TRIM24: variants seen among roughly 807,000 people sequenced by gnomAD.
The protein encoded by TRIM24 is tripartite motif containing 24.
Under a neutral mutation model 123.9 loss-of-function variants are expected in TRIM24, and 29 were observed. That is an observed-to-expected ratio of 0.23 (90% confidence interval 0.17 to 0.32). TRIM24 has a LOEUF of 0.32. Ranked by LOEUF, TRIM24 falls within the 10% of genes least tolerant of loss-of-function variation. The pLI is 1.00. For missense variants in TRIM24, 932 were observed against 1,295.3 expected (o/e 0.72, Z 4.31); for synonymous variants, 456 against 461.1 (o/e 0.99, Z 0.14).
rs965647920 is a variant in TRIM24 at position 138,533,675 on chromosome 7, T to C, written c.996+4445T>C. 3.3e-5 allele frequency among the ~76,000 whole-genome samples: 5 copies of C among 152,232 alleles called. No individual in the cohort carries two copies. The South Asian group carries it at 8.3e-4, about 25-fold the overall frequency. The stretch of plus-strand genomic sequence containing the variant: ...CATCAGGGATATTGGTCTAAAATTC[T>C]CTTTTTTTGTTGTGTCTCTGCCAGG... On this transcript the variant is annotated intron_variant, in intron 6 of 18. Coordinates refer to ENST00000343526, the MANE Select transcript of TRIM24 (RefSeq NM_015905.3).
chr7:138,530,707 G>A (rs981154530), intron 6 of TRIM24, among the ~76,000 whole-genome samples: 1 of 151,790 alleles, frequency 6.6e-6, no homozygotes, highest in African/African-American at 2.4e-5. Flanking sequence ...GGCTCAGGCA[G>A]TCTGTCTGCC....
At chr7:138,469,754 C>G (rs908691370) in intron 1 of TRIM24, among the ~76,000 whole-genome samples, 4 of 152,202 alleles carry the variant, frequency 2.6e-5, no homozygotes, top group Admixed American at 1.3e-4. Flanking sequence ...ATTAGAACTT[C>G]TTTTCAGAAA....
At chr7:138,471,532 T>A (rs968160454) in intron 1 of TRIM24, among the ~76,000 whole-genome samples, 2 of 151,614 alleles carry the variant, frequency 1.3e-5, no homozygotes, top group Non-Finnish European at 2.9e-5. Flanking sequence ...AATTTATTTT[T>A]ATTTTATTTA....
chr7:138,550,069 T>A (rs1231665534), intron 7 of TRIM24, among the ~76,000 whole-genome samples: 1 of 152,088 alleles, frequency 6.6e-6, no homozygotes, highest in African/African-American at 2.4e-5. Context: ...TAGGAAATAG[T>A]TATTTAAGAA....
intron 13 of TRIM24, 67 bp downstream of exon 13, chr7:138,576,512 C>A: frequency 7.0e-7 from 1 of 1,429,864 alleles, no homozygotes; most frequent in Non-Finnish European, 9.8e-7. Context: ...TGCCAGTGTT[C>A]AACATGTTTT....
At chr7:138,511,230 C>T (rs1473259998) in intron 2 of TRIM24, among the ~76,000 whole-genome samples, 3 of 152,052 alleles carry the variant, frequency 2.0e-5, no homozygotes, top group South Asian at 4.2e-4. Flanking sequence ...GAAGGGGCAG[C>T]AGGCTTGTCT....
intron 9 of TRIM24, among the ~76,000 whole-genome samples, chr7:138,557,199 AGGCTTTGTCAG>A (rs1159673908): frequency 6.6e-6 from 1 of 152,142 alleles, no homozygotes; most frequent in African/African-American, 2.4e-5. Context: ...AGTGTTTTCA[AGGCTTTGTCAG>A]GGCCCTGCCT....
At chr7:138,522,650 A>C (rs1273663099) in intron 4 of TRIM24, among the ~76,000 whole-genome samples, 1 of 149,534 alleles carries the variant, frequency 6.7e-6, no homozygotes. Flanking sequence ...AAACAAAGTC[A>C]TTTTTTTTTT....
intron 1 of TRIM24, among the ~76,000 whole-genome samples, chr7:138,483,580 C>T (rs1795578459): frequency 6.6e-6 from 1 of 152,156 alleles, no homozygotes; most frequent in Non-Finnish European, 1.5e-5. Context: ...GGGATTCCTG[C>T]CATAGGATTA....
rs1412621557 is a variant in TRIM24 at position 138,584,846 on chromosome 7, G to T, written c.3048G>T (p.Arg1016Ser). ...AAAGGTTTCCCAAACCAGAATTCAG[G>T]AATGAATCAGAAGATAATAAATTTA... is the stretch of plus-strand genomic sequence containing the variant. Reference protein sequence around the residue: ...PEKRFPKPEFRNESEDNKFSD... With the variant: ...PEKRFPKPEFSNESEDNKFSD... The change falls in exon 19 of 19, where the codon AGG (arginine) becomes AGT (serine). Residue 1016 changes from arginine to serine, a missense_variant. Physicochemically the swap from Arg to Ser is moderately radical, Grantham distance 110 (BLOSUM62 -1). Coordinates refer to ENST00000343526, the MANE Select transcript of TRIM24 (RefSeq NM_015905.3). 1.2e-6 allele frequency: 2 copies of T among 1,613,658 alleles called. No individual in the cohort carries two copies. Among genetic ancestry groups the T allele is most frequent in the Non-Finnish European group, 1.7e-6 (2 of 1,179,786 alleles).
chr7:138,537,210 G>C (rs922308910), intron 6 of TRIM24, among the ~76,000 whole-genome samples: 2 of 152,010 alleles, frequency 1.3e-5, no homozygotes, highest in African/African-American at 4.8e-5. Flanking sequence ...TCGGTGCACT[G>C]TACCCACGGT....
At chr7:138,473,400 A>G (rs1446661401) in intron 1 of TRIM24, among the ~76,000 whole-genome samples, 1 of 152,198 alleles carries the variant, frequency 6.6e-6, no homozygotes, top group Non-Finnish European at 1.5e-5. Flanking sequence ...TGTCTTTTTC[A>G]ATGCCTTACA....
rs1314765090 is a variant in TRIM24, at chr7:138,554,160, T to G, written c.1262-538T>G. ...TCCGGGTTGGCCACTCCTAGGTTCC[T>G]TAACGCAGAACTCCAAACACACATT... is the stretch of plus-strand genomic sequence containing the variant. On this transcript the variant is annotated intron_variant, in intron 8 of 18. Transcript: ENST00000343526. This position sits in a 1 kb window ranked among gnomAD's most constrained non-coding sequence, Gnocchi z 4.5. 6.6e-6 allele frequency among the ~76,000 whole-genome samples: 1 copy of G among 152,172 alleles called. No homozygotes were observed. The highest frequency in any genetic ancestry group is 2.4e-5 in the African/African-American group (1 of 41,442).
At chr7:138,574,064 T>A (rs1797709214) in intron 12 of TRIM24, among the ~76,000 whole-genome samples, 1 of 152,242 alleles carries the variant, frequency 6.6e-6, no homozygotes, top group Admixed American at 6.5e-5. Flanking sequence ...TGAGCCATCA[T>A]ACTAGGCCTT....
At chr7:138,541,138 C>T (rs771560370) in intron 7 of TRIM24, among the ~76,000 whole-genome samples, 7 of 152,112 alleles carry the variant, frequency 4.6e-5, no homozygotes, top group East Asian at 3.9e-4. Context: ...TGCACCCAGC[C>T]GCATAATGTA....
intron 12 of TRIM24, among the ~76,000 whole-genome samples, 191 bp downstream of exon 12, chr7:138,573,833 C>T (rs6953153): frequency 0.19 from 29,678 of 152,200 alleles, 3,842 homozygotes; most frequent in Middle Eastern, 0.31. Flanking sequence ...GTCACAGTCT[C>T]GCTCTGTTGC....
chr7:138,567,494 G>A lies in TRIM24; in HGVS notation c.1544G>A (p.Arg515His), dbSNP rs189329735. ...TCTTTTTTCTAGCAACCGCCTCCAC[G>A]TTTGATAAACTTTCAGAATCACAGC... ...PSISHQQPPP[R>H]LINFQNHSPK... The change falls in exon 10 of 19, where the codon CGT (arginine) becomes CAT (histidine). Residue 515 changes from arginine to histidine, a missense_variant. This residue lies in a region of TRIM24 where 527 missense variants were observed against 691.3 expected (regional missense o/e 0.76). Transcript: ENST00000343526. The A allele has an allele frequency of 2.8e-5, 45 of 1,604,926 alleles. No individual in the cohort carries two copies. Among genetic ancestry groups the A allele is most frequent in the Admixed American group, 6.9e-5 (4 of 58,078 alleles).
intron 12 of TRIM24, among the ~76,000 whole-genome samples, chr7:138,574,289 C>T (rs1469372106): frequency 6.6e-6 from 1 of 152,166 alleles, no homozygotes; most frequent in Admixed American, 6.5e-5. Context: ...GACATACCTA[C>T]TCATTTCCTC....
chr7:138,506,946 G>A (rs1283490712), intron 2 of TRIM24, among the ~76,000 whole-genome samples: 1 of 152,186 alleles, frequency 6.6e-6, no homozygotes, highest in African/African-American at 2.4e-5. Flanking sequence ...ACCACCCAGA[G>A]AGAACTTGAT....
Sources: gnomAD v4.1 joint callset for allele counts (sites outside exome capture counted in the v4.1 genomes callset) on GRCh38, gnomAD v4.1.1 for gene constraint, gnomAD v4.1.1 regional missense constraint, Gnocchi (gnomAD v3.1) non-coding constraint, MANE v1.5 for transcripts, NCBI Gene and HGNC (gene_info 2026-07-23, HGNC 2026-07-21) for gene names.